The following LARGE1 variants were observed in gnomAD, a reference collection of about 807,000 sequenced individuals.
The protein encoded by LARGE1 is xylosyl- and glucuronyltransferase LARGE1.
A neutral mutation model predicts 87.6 loss-of-function variants in LARGE1; 43 were observed. The ratio of observed to expected loss-of-function variants is 0.49; its 90% CI spans 0.38 to 0.63. The LOEUF (loss-of-function observed/expected upper bound fraction) is 0.63, where lower values mean the gene tolerates loss of function less well. LARGE1 is among the 30% of genes least tolerant of loss of function. The probability of loss-of-function intolerance (pLI) is 0.00; values close to 1 mark genes in which losing one functional copy is unlikely to be tolerated. For missense variants in LARGE1, 802 were observed against 1,000.2 expected, an observed-to-expected ratio of 0.80 and a Z score of 2.67; for synonymous variants, 434 against 394.6, an observed-to-expected ratio of 1.10 and a Z score of -1.18.
intron 1 of LARGE1, among the ~76,000 whole-genome samples, chr22:33,887,631 G>C (rs139949411): frequency 6.6e-6 from 1 of 151,988 alleles, no homozygotes; most frequent in Non-Finnish European, 1.5e-5. Context: ...CCAGCTACTC[G>C]GGGGACTGAG....
intron 11 of LARGE1, among the ~76,000 whole-genome samples, chr22:33,247,931 G>A (rs1926840366): frequency 1.3e-5 from 2 of 152,138 alleles, no homozygotes; most frequent in Admixed American, 6.5e-5. Flanking sequence ...TCTTCTGAAA[G>A]CCTCCAACCC....
At chr22:33,898,367 T>C (rs2065199135) in intron 1 of LARGE1, among the ~76,000 whole-genome samples, 1 of 152,204 alleles carries the variant, frequency 6.6e-6, no homozygotes, top group Admixed American at 6.5e-5. Context: ...AAGTTCTGCA[T>C]TTCCATGAGA....
chr22:33,339,202 G>GATC (rs891314227), intron 9 of LARGE1, among the ~76,000 whole-genome samples: 1 of 149,888 alleles, frequency 6.7e-6, no homozygotes, highest in Non-Finnish European at 1.5e-5. Context: ...GCTGAAGAAT[G>GATC]ATCAGAGAAG....
chr22:33,846,545 G>A (rs1170194662), intron 1 of LARGE1, among the ~76,000 whole-genome samples: 1 of 152,350 alleles, frequency 6.6e-6, no homozygotes, highest in East Asian at 1.9e-4. Flanking sequence ...GGGAATAAGA[G>A]AGATAACCTT....
At chr22:33,410,383 A>G (rs1471082773) in intron 7 of LARGE1, among the ~76,000 whole-genome samples, 2 of 151,524 alleles carry the variant, frequency 1.3e-5, no homozygotes, top group Non-Finnish European at 2.9e-5. Flanking sequence ...TAATCCCCAC[A>G]TGCCTAGGGA....
chr22:33,297,991 A>C (rs1342021748), intron 12 of LARGE1, among the ~76,000 whole-genome samples: 1 of 151,630 alleles, frequency 6.6e-6, no homozygotes, highest in Non-Finnish European at 1.5e-5. Flanking sequence ...AAAAAAAAAA[A>C]AAAAAAAAAA....
intron 1 of LARGE1, among the ~76,000 whole-genome samples, chr22:33,821,892 TG>T (rs2086834380): frequency 1.3e-5 from 2 of 150,354 alleles, no homozygotes; most frequent in Non-Finnish European, 3.0e-5. Flanking sequence ...GTGAAGGAAA[TG>T]GAAAACTATA....
At chr22:33,485,133 G>A (rs2069514172) in intron 6 of LARGE1, among the ~76,000 whole-genome samples, 1 of 151,472 alleles carries the variant, frequency 6.6e-6, no homozygotes, top group South Asian at 2.1e-4. Flanking sequence ...GGCTAGTCTC[G>A]AACTCCTTAG....
chr22:33,765,817 A>G (rs1271819788), intron 1 of LARGE1, among the ~76,000 whole-genome samples: 1 of 151,754 alleles, frequency 6.6e-6, no homozygotes, highest in Non-Finnish European at 1.5e-5. Flanking sequence ...TAACACTGGG[A>G]AAAAAACTCT....
chr22:33,349,473 C>T (rs1940149133), intron 9 of LARGE1, among the ~76,000 whole-genome samples: 1 of 152,198 alleles, frequency 6.6e-6, no homozygotes, highest in South Asian at 2.1e-4. Context: ...TCAGCACTAG[C>T]TAAAGTGACA....
At chr22:33,854,383 C>T (rs2063698207) in intron 1 of LARGE1, among the ~76,000 whole-genome samples, 1 of 152,030 alleles carries the variant, frequency 6.6e-6, no homozygotes, top group Admixed American at 6.6e-5. Flanking sequence ...GCATCGGTTT[C>T]AGTTTCTCAG....
the LARGE1 span, among the ~76,000 whole-genome samples, chr22:33,117,118 C>T: frequency 6.6e-6 from 1 of 152,162 alleles, no homozygotes; most frequent in Non-Finnish European, 1.5e-5. Context: ...CTTGCTGTTT[C>T]CAAAGGAGCA....
chr22:33,133,087 A>G, the LARGE1 span, among the ~76,000 whole-genome samples: 1 of 152,150 alleles, frequency 6.6e-6, no homozygotes, highest in Non-Finnish European at 1.5e-5. Context: ...TGAAGAAGGG[A>G]TTGTTCATAT....
intron 7 of LARGE1, among the ~76,000 whole-genome samples, chr22:33,405,968 T>A (rs754888041): frequency 2.8e-4 from 42 of 152,196 alleles, no homozygotes; most frequent in Non-Finnish European, 5.7e-4. Context: ...ACAACTGCAA[T>A]AGGAATGCAT....
intron 5 of LARGE1, among the ~76,000 whole-genome samples, chr22:33,568,222 G>A (rs1251210486): frequency 1.3e-5 from 2 of 152,108 alleles, no homozygotes; most frequent in East Asian, 1.9e-4. Flanking sequence ...CTGTGGCAAC[G>A]CATAAGCCAG....
chr22:33,846,138 T>C (rs1379126315), intron 1 of LARGE1, among the ~76,000 whole-genome samples: 1 of 152,210 alleles, frequency 6.6e-6, no homozygotes, highest in Non-Finnish European at 1.5e-5. Flanking sequence ...ATCTAGGGTC[T>C]TGAACAGATC....
the LARGE1 span, among the ~76,000 whole-genome samples, chr22:33,070,299 T>C: frequency 6.6e-6 from 1 of 152,226 alleles, no homozygotes; most frequent in Non-Finnish European, 1.5e-5. Context: ...TACATATATA[T>C]TTGTTTAATA....
intron 11 of LARGE1, among the ~76,000 whole-genome samples, chr22:33,229,415 CAG>C (rs979329543): frequency 7.3e-5 from 11 of 151,310 alleles, no homozygotes; most frequent in African/African-American, 2.4e-4. Context: ...AAAGACAAAA[CAG>C]AAATTATAAA....
intron 1 of LARGE1, among the ~76,000 whole-genome samples, chr22:33,786,643 G>T (rs962863772): frequency 6.6e-6 from 1 of 152,154 alleles, no homozygotes; most frequent in Non-Finnish European, 1.5e-5. Flanking sequence ...ATTTCCCTCA[G>T]GTCTCACTCA....
Sources: gnomAD v4.1 joint callset for allele counts (sites outside exome capture counted in the v4.1 genomes callset) on GRCh38, gnomAD v4.1.1 for gene constraint, MANE v1.5 for transcripts, NCBI Gene and HGNC (gene_info 2026-07-23, HGNC 2026-07-21) for gene names.